Variants in HHLA2 observed in about 807,000 individuals in gnomAD.
The protein encoded by HHLA2 is HERV-H LTR-associating protein 2.
Under a neutral mutation model 45.9 loss-of-function variants are expected in HHLA2, and 48 were observed. That is an observed-to-expected ratio of 1.05 (90% confidence interval 0.83 to 1.33). The LOEUF (loss-of-function observed/expected upper bound fraction) is 1.33. HHLA2 is among the 40% of genes most tolerant of loss of function. The probability of loss-of-function intolerance (pLI) is 0.00; values close to 1 mark genes in which losing one functional copy is unlikely to be tolerated. For synonymous variants in HHLA2, 161 were observed against 173.9 expected, an observed-to-expected ratio of 0.93 and a Z score of 0.59; for missense variants, 462 against 494.3, an observed-to-expected ratio of 0.93 and a Z score of 0.62.
At chr3:108,356,597 A>G (rs2081897939) in intron 6 of HHLA2, among the ~76,000 whole-genome samples, 1 of 152,192 alleles carries the variant, frequency 6.6e-6, no homozygotes, top group African/African-American at 2.4e-5. Flanking sequence ...TATTATAAAT[A>G]TTGCCTTTGG....
At chr3:108,350,633 T>G (rs2081759629) in intron 3 of HHLA2, among the ~76,000 whole-genome samples, 1 of 152,146 alleles carries the variant, frequency 6.6e-6, no homozygotes, top group Admixed American at 6.6e-5. Flanking sequence ...AAATATAGAA[T>G]ATATTCTTGT....
chr3:108,354,129 G>A (rs576273191), intron 5 of HHLA2, among the ~76,000 whole-genome samples: 23 of 152,138 alleles, frequency 1.5e-4, no homozygotes, highest in Admixed American at 2.6e-4. Context: ...AGTCTTATCA[G>A]TACCAAATAA....
At chr3:108,358,211 G>T in intron 7 of HHLA2, 50 bp downstream of exon 6, 2 of 1,327,300 alleles carry the variant, frequency 1.5e-6, no homozygotes, top group African/African-American at 1.5e-5. Context: ...AGCATTAGAG[G>T]TTTGTGAATA....
At chr3:108,298,119 C>A (rs1197947483) in intron 1 of HHLA2, among the ~76,000 whole-genome samples, 1 of 152,172 alleles carries the variant, frequency 6.6e-6, no homozygotes. Flanking sequence ...ATAGCAGCGA[C>A]CCAGGGGCTA....
At chr3:108,298,442 A>G (rs2080798292) in intron 1 of HHLA2, among the ~76,000 whole-genome samples, 1 of 152,212 alleles carries the variant, frequency 6.6e-6, no homozygotes. Flanking sequence ...TAGTGTTTAT[A>G]TGTTCAAAAT....
intron 2 of HHLA2, chr3:108,326,060 T>G (rs1459087781): frequency 3.3e-6 from 1 of 299,654 alleles, no homozygotes; most frequent in Non-Finnish European, 6.5e-6. Flanking sequence ...TTCAGTCACT[T>G]TAATTTTCCA....
At chr3:108,313,228 T>C (rs1020560088) in intron 2 of HHLA2, among the ~76,000 whole-genome samples, 5 of 152,210 alleles carry the variant, frequency 3.3e-5, no homozygotes, top group Admixed American at 3.3e-4. Flanking sequence ...GCTTGAGTCA[T>C]GCACAATTCT....
intron 1 of HHLA2, among the ~76,000 whole-genome samples, chr3:108,304,886 T>C (rs1448398556): frequency 6.6e-6 from 1 of 152,200 alleles, no homozygotes; most frequent in East Asian, 1.9e-4. Flanking sequence ...TAGTAAACTA[T>C]TGATGATTAC....
exon 7 of HHLA2, chr3:108,357,992 A>G: frequency 6.2e-7 from 1 of 1,613,832 alleles, no homozygotes; most frequent in Non-Finnish European, 8.5e-7. Flanking sequence ...TGAGCTCCTC[A>G]CAAAATACAA....
At position 108,348,755 on chromosome 3, in the gene HHLA2, C is replaced by T. The variant is rs9810350; in HGVS notation, c.-26-3033C>T. Among the ~76,000 whole-genome samples, 1,457 of 152,084 alleles carry T rather than the reference C, an allele frequency of 9.6e-3. 21 individuals are homozygous for T. Among genetic ancestry groups the T allele is most frequent in the African/African-American group, 0.033 (1,369 of 41,466 alleles). Reference sequence around the variant, plus strand: ...TGGTGGTTTGCTGCACCCATCAACCCGTCACCTACATTAGGTATTTATCCT... The same window carrying T: ...TGGTGGTTTGCTGCACCCATCAACCTGTCACCTACATTAGGTATTTATCCT... On this transcript the variant is annotated intron_variant, in intron 3 of 10. Transcript: ENST00000619531.
At chr3:108,312,159 C>G (rs1021996503) in intron 2 of HHLA2, among the ~76,000 whole-genome samples, 3 of 152,314 alleles carry the variant, frequency 2.0e-5, no homozygotes, top group Admixed American at 6.5e-5. Flanking sequence ...TCTAATCCCC[C>G]CAGACGGTCC....
At chr3:108,318,041 C>T (rs966426397) in intron 2 of HHLA2, among the ~76,000 whole-genome samples, 3 of 151,988 alleles carry the variant, frequency 2.0e-5, no homozygotes, top group Non-Finnish European at 4.4e-5. Flanking sequence ...ATTAGTCAGG[C>T]GTGGTGGCAC....
chr3:108,377,925 G>GA (rs2082302517), exon 11 of HHLA2: 1 of 152,244 alleles, frequency 6.6e-6, no homozygotes, highest in East Asian at 1.9e-4. Context: ...TATACATCCA[G>GA]ATGGCCTAAA....
At chr3:108,337,704 T>C (rs535688048) in intron 3 of HHLA2, among the ~76,000 whole-genome samples, 1 of 152,206 alleles carries the variant, frequency 6.6e-6, no homozygotes, top group African/African-American at 2.4e-5. Flanking sequence ...CAGGTGGAAT[T>C]TGATTGGAAC....
exon 11 of HHLA2, chr3:108,377,352 C>G: frequency 4.4e-6 from 5 of 1,138,134 alleles, no homozygotes; most frequent in Non-Finnish European, 5.2e-6. Context: ...CCTTTCTTCA[C>G]CACAATTCCA....
chr3:108,375,693 G>A, intron 8 of HHLA2, 57 bp from the exon 8 acceptor site: 1 of 1,579,184 alleles, frequency 6.3e-7, no homozygotes, highest in Non-Finnish European at 8.6e-7. Flanking sequence ...GACCTTACAG[G>A]GAAACAGCTG....
intron 3 of HHLA2, among the ~76,000 whole-genome samples, chr3:108,342,233 G>T (rs948748783): frequency 6.7e-6 from 1 of 149,564 alleles, no homozygotes; most frequent in South Asian, 2.1e-4. Context: ...GATGCTTATC[G>T]GCTGGCTCCT....
intron 3 of HHLA2, among the ~76,000 whole-genome samples, chr3:108,342,093 C>G (rs1560231849): frequency 2.0e-5 from 3 of 152,142 alleles, no homozygotes; most frequent in Non-Finnish European, 4.4e-5. Flanking sequence ...TCCTGCAACA[C>G]AGCTTGACAG....
chr3:108,364,085 C>T (rs918582688), intron 8 of HHLA2, among the ~76,000 whole-genome samples: 16 of 151,802 alleles, frequency 1.1e-4, no homozygotes, highest in African/African-American at 3.9e-4. Context: ...ATCAACCTGT[C>T]ATCTAGGTTT....
Sources: gnomAD v4.1 joint callset for allele counts (sites outside exome capture counted in the v4.1 genomes callset) on GRCh38, gnomAD v4.1.1 for gene constraint, MANE v1.5 for transcripts, NCBI Gene and HGNC (gene_info 2026-07-23, HGNC 2026-07-21) for gene names.